LRP1B: variants seen among roughly 807,000 people sequenced by gnomAD.
LRP1B encodes the protein low-density lipoprotein receptor-related protein 1B.
A neutral mutation model predicts 556.6 loss-of-function variants in LRP1B; 217 were observed. That is an observed-to-expected ratio of 0.39 (90% CI 0.35 to 0.44). The LOEUF (loss-of-function observed/expected upper bound fraction) is 0.44, where lower values mean the gene tolerates loss of function less well. Ranked by LOEUF, LRP1B falls within the 20% of genes least tolerant of loss-of-function variation. The pLI is 1.00. For missense variants in LRP1B, 5,053 were observed against 5,620.8 expected (o/e 0.90, Z 3.23); for synonymous variants, 2,047 against 1,865.8 (o/e 1.10, Z -2.50).
In LRP1B at chr2:141,494,637, G is replaced by A. The variant is rs572988550; in HGVS notation, c.206-14104C>T. 5.9e-5 allele frequency among the ~76,000 whole-genome samples: 9 copies of A among 151,514 alleles called. No individual in the cohort carries two copies. In the East Asian group the frequency reaches 1.6e-3, roughly 26 times the overall value. On this transcript the variant is annotated intron_variant, in intron 2 of 90. Coordinates refer to ENST00000389484, the MANE Select transcript of LRP1B (RefSeq NM_018557.3). ...AATTTATTTGAACCATTAAACAACTGCTAAATACACAGTATTTGGTGACTA... is the reference window on the plus strand; with the variant it reads ...AATTTATTTGAACCATTAAACAACTACTAAATACACAGTATTTGGTGACTA...
At chr2:141,584,931 A>G (rs1687084597) in intron 2 of LRP1B, among the ~76,000 whole-genome samples, 1 of 151,876 alleles carries the variant, frequency 6.6e-6, no homozygotes, top group African/African-American at 2.4e-5. Context: ...CAATGGGTAC[A>G]GAGTTTCAGT....
chr2:141,132,327 T>G (rs1460457792), intron 7 of LRP1B, among the ~76,000 whole-genome samples: 2 of 151,996 alleles, frequency 1.3e-5, no homozygotes, highest in Non-Finnish European at 2.9e-5. Flanking sequence ...GACTTGGTTC[T>G]CAGGGGAATG....
chr2:141,785,585 A>G (rs1695404304), intron 2 of LRP1B, among the ~76,000 whole-genome samples: 1 of 151,598 alleles, frequency 6.6e-6, no homozygotes, highest in Admixed American at 6.6e-5. Flanking sequence ...CTCCATCCTA[A>G]TGATGGCAGT....
intron 22 of LRP1B, among the ~76,000 whole-genome samples, chr2:140,907,290 A>C (rs2105230454): frequency 6.6e-6 from 1 of 152,254 alleles, no homozygotes; most frequent in Non-Finnish European, 1.5e-5. Flanking sequence ...GCTGGTTGGT[A>C]AGAAAGATTG....
At chr2:142,077,727 A>C in intron 1 of LRP1B, among the ~76,000 whole-genome samples, 1 of 152,106 alleles carries the variant, frequency 6.6e-6, no homozygotes, top group Admixed American at 6.6e-5. Context: ...GGTTCGCTGC[A>C]GGATTTCACA....
intron 7 of LRP1B, among the ~76,000 whole-genome samples, chr2:141,160,225 C>A (rs1489062577): frequency 1.3e-5 from 2 of 152,016 alleles, no homozygotes; most frequent in Admixed American, 6.6e-5. Context: ...CTACTATGTG[C>A]CTATTTGAAT....
intron 2 of LRP1B, among the ~76,000 whole-genome samples, chr2:141,499,340 TCCACTGCCC>T (rs1198958306): frequency 6.6e-6 from 1 of 152,084 alleles, no homozygotes; most frequent in African/African-American, 2.4e-5. Flanking sequence ...TTCACAACGA[TCCACTGCCC>T]ATGTAACTAT....
intron 1 of LRP1B, among the ~76,000 whole-genome samples, chr2:141,979,436 G>A (rs73963406): frequency 0.019 from 2,906 of 152,090 alleles, 55 homozygotes; most frequent in African/African-American, 0.06. Flanking sequence ...TCATTTTGTC[G>A]CATTTGGATG....
At chr2:140,832,920 G>A (rs1161195737) in intron 31 of LRP1B, among the ~76,000 whole-genome samples, 1 of 152,120 alleles carries the variant, frequency 6.6e-6, no homozygotes, top group Non-Finnish European at 1.5e-5. Flanking sequence ...ACAGATTTGA[G>A]GCAATGGATA....
chr2:141,179,946 C>T (rs1432542115), intron 7 of LRP1B, among the ~76,000 whole-genome samples: 1 of 138,206 alleles, frequency 7.2e-6, no homozygotes, highest in African/African-American at 2.7e-5. Flanking sequence ...AGTAAAATCT[C>T]AAATTTATGT....
intron 56 of LRP1B, among the ~76,000 whole-genome samples, chr2:140,494,509 G>A (rs1289486196): frequency 6.6e-6 from 1 of 151,632 alleles, no homozygotes; most frequent in Admixed American, 6.6e-5. Flanking sequence ...GGAGGCTGAG[G>A]CGGGAGAATG....
chr2:141,548,796 C>T (rs1030421550), intron 2 of LRP1B, among the ~76,000 whole-genome samples: 1 of 152,072 alleles, frequency 6.6e-6, no homozygotes, highest in Admixed American at 6.6e-5. Context: ...AATAAGACAT[C>T]CAGTATTTAT....
intron 3 of LRP1B, among the ~76,000 whole-genome samples, chr2:141,275,175 C>T (rs1252261938): frequency 1.3e-5 from 2 of 152,070 alleles, no homozygotes; most frequent in Non-Finnish European, 2.9e-5. Flanking sequence ...AGTTGTATCA[C>T]CAATAATTTT....
chr2:140,575,325 C>T (rs1201401957), intron 43 of LRP1B, among the ~76,000 whole-genome samples: 5 of 152,112 alleles, frequency 3.3e-5, no homozygotes, highest in Non-Finnish European at 7.3e-5. Context: ...GCTAACTCTC[C>T]CTATTGGCAG....
intron 3 of LRP1B, among the ~76,000 whole-genome samples, chr2:141,439,251 G>T (rs985016648): frequency 2.6e-5 from 4 of 152,004 alleles, no homozygotes; most frequent in Non-Finnish European, 5.9e-5. Flanking sequence ...TGAGAAGTTC[G>T]TATGCTTTAG....
intron 3 of LRP1B, among the ~76,000 whole-genome samples, chr2:141,264,568 C>T (rs1436031643): frequency 1.3e-5 from 2 of 152,124 alleles, no homozygotes; most frequent in Non-Finnish European, 2.9e-5. Flanking sequence ...AATTCTCCTG[C>T]CTCAGCCTCC....
intron 79 of LRP1B, among the ~76,000 whole-genome samples, chr2:140,328,091 C>T (rs975424765): frequency 2.6e-5 from 4 of 151,846 alleles, no homozygotes; most frequent in African/African-American, 9.7e-5. Flanking sequence ...AATATCATGT[C>T]TTCTTTTGCT....
At chr2:141,759,003 C>CACGTTGATA (rs1694425305) in intron 2 of LRP1B, among the ~76,000 whole-genome samples, 1 of 151,820 alleles carries the variant, frequency 6.6e-6, no homozygotes, top group Non-Finnish European at 1.5e-5. Context: ...GATTTTTAAA[C>CACGTTGATA]ACGTTGATAA....
intron 85 of LRP1B, among the ~76,000 whole-genome samples, chr2:140,272,178 A>G (rs1315628971): frequency 6.6e-5 from 10 of 151,866 alleles, no homozygotes; most frequent in Non-Finnish European, 1.5e-4. Context: ...ATTACAATAC[A>G]TCAAAGAGTG....
Sources: allele counts gnomAD v4.1 joint callset (sites outside exome capture counted in the v4.1 genomes callset), GRCh38; gene constraint gnomAD v4.1.1; transcripts MANE v1.5; gene names NCBI Gene and HGNC (gene_info 2026-07-23, HGNC 2026-07-21).